GALNT14: variants seen among roughly 807,000 people sequenced by gnomAD.
The protein encoded by GALNT14 is polypeptide N-acetylgalactosaminyltransferase 14.
Under a neutral mutation model 77.5 loss-of-function variants are expected in GALNT14, and 60 were observed. The observed-to-expected ratio is 0.77, with a 90% confidence interval of 0.63 to 0.96. GALNT14 has a LOEUF of 0.96. Among genes scored for constraint, GALNT14 ranks in the 40% least tolerant of loss-of-function variants. The pLI is 0.00. For synonymous variants in GALNT14, 280 were observed against 281.7 expected (o/e 0.99, Z 0.06); for missense variants, 710 against 731.0 (o/e 0.97, Z 0.33).
At chr2:31,055,282 TGC>T (rs1282895121) in intron 1 of GALNT14, among the ~76,000 whole-genome samples, 1 of 152,246 alleles carries the variant, frequency 6.6e-6, no homozygotes, top group Non-Finnish European at 1.5e-5. Context: ...GCCAGCATAC[TGC>T]TTTTCATTTA....
chr2:31,087,852 C>G (rs139346788), intron 1 of GALNT14, among the ~76,000 whole-genome samples: 52 of 152,266 alleles, frequency 3.4e-4, no homozygotes, highest in African/African-American at 1.3e-3. Context: ...GAAGGTACAG[C>G]CTCTGGGAGG....
rs776978137 is a variant in GALNT14, at chr2:30,944,884, C to T, written c.801G>A (p.Arg267=). The T allele has an allele frequency of 3.1e-6, 5 of 1,610,594 alleles. No individual in the cohort carries two copies. Among genetic ancestry groups the T allele is most frequent in the Non-Finnish European group, 4.2e-6 (5 of 1,177,628 alleles). ...TGATGGGCTCCGTGGGGTCCAGGCG[C>T]CGAGCCTTCTGCTCTGGGGAGAGCT... ...WEQLSPEQKA[R]RLDPTEPIRT... Residue 267 remains arginine, a synonymous_variant, in exon 8 of 15, where the codon CGG becomes CGA. Transcript: ENST00000349752.
intron 2 of GALNT14, among the ~76,000 whole-genome samples, chr2:30,974,051 C>A (rs1668505295): frequency 6.6e-6 from 1 of 152,146 alleles, no homozygotes; most frequent in Non-Finnish European, 1.5e-5. Context: ...CTAACACTAA[C>A]CCTGATGAGC....
intron 1 of GALNT14, among the ~76,000 whole-genome samples, chr2:31,135,585 T>A (rs904871350): frequency 6.6e-6 from 1 of 151,490 alleles, no homozygotes; most frequent in East Asian, 1.9e-4. Context: ...AAATTCATGG[T>A]TCTAGAAGGA....
At chr2:31,124,031 C>G (rs1678560523) in intron 1 of GALNT14, among the ~76,000 whole-genome samples, 1 of 152,048 alleles carries the variant, frequency 6.6e-6, no homozygotes, top group African/African-American at 2.4e-5. Context: ...ACACTCCACA[C>G]TCCCTCAGAA....
At chr2:31,083,826 C>T (rs1222097651) in intron 1 of GALNT14, among the ~76,000 whole-genome samples, 2 of 152,178 alleles carry the variant, frequency 1.3e-5, no homozygotes, top group African/African-American at 4.8e-5. Context: ...GATCTGAGGA[C>T]AGGGCAGTTA....
At chr2:31,084,868 T>C (rs1676338956) in intron 1 of GALNT14, among the ~76,000 whole-genome samples, 1 of 151,928 alleles carries the variant, frequency 6.6e-6, no homozygotes, top group Non-Finnish European at 1.5e-5. Context: ...CTACTAAAAA[T>C]ACAAAAATTA....
intron 6 of GALNT14, among the ~76,000 whole-genome samples, chr2:30,948,722 A>G (rs146132176): frequency 1.3e-4 from 20 of 152,316 alleles, no homozygotes; most frequent in African/African-American, 4.8e-4. Flanking sequence ...CACTGTAGTT[A>G]AGCCATAACC....
intron 8 of GALNT14, among the ~76,000 whole-genome samples, chr2:30,944,571 C>A (rs1474925208): frequency 6.6e-6 from 1 of 152,178 alleles, no homozygotes; most frequent in East Asian, 1.9e-4. Context: ...TGGGACCACT[C>A]AACCAACGTT....
chr2:31,013,657 G>A (rs1396577412), intron 1 of GALNT14, among the ~76,000 whole-genome samples: 1 of 152,172 alleles, frequency 6.6e-6, no homozygotes, highest in Non-Finnish European at 1.5e-5. Context: ...TTTTGAAGCA[G>A]CCACTAGAAT....
At chr2:31,069,926 C>A (rs1675238260) in intron 1 of GALNT14, among the ~76,000 whole-genome samples, 1 of 152,036 alleles carries the variant, frequency 6.6e-6, no homozygotes, top group South Asian at 2.1e-4. Flanking sequence ...GGCACTGAGA[C>A]AGAAAGGAAA....
At chr2:31,064,279 C>G (rs964222673) in intron 1 of GALNT14, among the ~76,000 whole-genome samples, 1 of 152,280 alleles carries the variant, frequency 6.6e-6, no homozygotes, top group East Asian at 1.9e-4. Context: ...GCAGCTGTCA[C>G]TGGCTCCCAG....
At chr2:31,029,564 T>C (rs1672283002) in intron 1 of GALNT14, among the ~76,000 whole-genome samples, 1 of 152,252 alleles carries the variant, frequency 6.6e-6, no homozygotes, top group Non-Finnish European at 1.5e-5. Flanking sequence ...AAGTTATATG[T>C]ACAACGCACA....
chr2:31,018,213 A>G (rs1489015995), intron 1 of GALNT14, among the ~76,000 whole-genome samples: 2 of 152,294 alleles, frequency 1.3e-5, no homozygotes, highest in Non-Finnish European at 2.9e-5. Flanking sequence ...GCCCAGGCCG[A>G]GAAAGAGCCA....
At chr2:31,009,570 T>C (rs907643434) in intron 1 of GALNT14, among the ~76,000 whole-genome samples, 2 of 152,162 alleles carry the variant, frequency 1.3e-5, no homozygotes, top group African/African-American at 4.8e-5. Flanking sequence ...CAGATCTCTT[T>C]TCTGAGCTCC....
At chr2:30,963,557 T>TG (rs35230263) in intron 3 of GALNT14, among the ~76,000 whole-genome samples, 1 of 152,214 alleles carries the variant, frequency 6.6e-6, no homozygotes, top group Non-Finnish European at 1.5e-5. Flanking sequence ...TAGGGAGGCC[T>TG]GGGGGGCCTA....
intron 1 of GALNT14, among the ~76,000 whole-genome samples, chr2:31,007,409 G>A (rs574146576): frequency 2.0e-5 from 3 of 152,138 alleles, no homozygotes; most frequent in African/African-American, 7.2e-5. Context: ...CTGACCTCGG[G>A]AAGCATAAGT....
At chr2:30,955,882 G>A (rs1667336463) in intron 5 of GALNT14, 30 bp downstream of exon 5, 2 of 1,613,070 alleles carry the variant, frequency 1.2e-6, no homozygotes, top group Non-Finnish European at 1.7e-6. Context: ...CACTCACACT[G>A]GAGGCTCCCG....
Position 31,078,870 on chromosome 2 carries a change from A to G in GALNT14, c.129+59088T>C, listed in dbSNP as rs1323317141. ...ACCCAGGCACAGGAGAGCAGGGGAA[A>G]GTAGGGCAAAGCAGGGTTTGGGGAC... On this transcript the variant is annotated intron_variant, in intron 1 of 14. Coordinates refer to ENST00000349752, the MANE Select transcript of GALNT14 (RefSeq NM_024572.4). 5 of 1,271,824 alleles carry G rather than the reference A, an allele frequency of 3.9e-6. No individual in the cohort carries two copies. In the African/African-American group the frequency reaches 4.6e-5, roughly 12 times the overall value. The allele number at this position is 1,271,824 out of a possible 1,614,324, so 78.8% of individuals were successfully genotyped here.
Sources: allele counts gnomAD v4.1 joint callset (sites outside exome capture counted in the v4.1 genomes callset), GRCh38; gene constraint gnomAD v4.1.1; transcripts MANE v1.5; gene names NCBI Gene and HGNC (gene_info 2026-07-23, HGNC 2026-07-21).